The following DDX3X variants were observed in gnomAD, a reference collection of about 807,000 sequenced individuals.
DDX3X encodes the protein DEAD-box helicase 3 X-linked.
In DDX3X, 4 loss-of-function variants were observed where a neutral mutation model predicts 52.7. That is an observed-to-expected ratio of 0.08 (90% CI 0.04 to 0.17). The LOEUF is 0.17. DDX3X is among the 10% of genes least tolerant of loss of function. The probability of loss-of-function intolerance (pLI) is 1.00; values close to 1 mark genes in which losing one functional copy is unlikely to be tolerated. For synonymous variants in DDX3X, 192 were observed against 178.1 expected (o/e 1.08, Z -0.62); for missense variants, 222 against 548.6 (o/e 0.40, Z 5.95).
downstream of DDX3X, among the ~76,000 whole-genome samples, chrX:41,352,279 T>C (rs2063991958): frequency 8.9e-6 from 1 of 111,896 alleles, no homozygotes; most frequent in South Asian, 3.7e-4. Flanking sequence ...TTAGTCCTTA[T>C]TTTACTGTGT....
rs2063720768 is a variant in DDX3X, at chrX:41,334,239, G to A, written c.-14G>A. ...TAGCAGCGGAAGACTCCGAGTTCTCGGTACTCTTCAGGGATGAGTCATGTG... is the reference window on the plus strand; with the variant it reads ...TAGCAGCGGAAGACTCCGAGTTCTCAGTACTCTTCAGGGATGAGTCATGTG... On this transcript the variant is annotated 5_prime_UTR_variant, in exon 1 of 17. Transcript: ENST00000644876. The A allele has an allele frequency of 3.3e-6, 4 of 1,206,948 alleles. No homozygotes were observed. Among genetic ancestry groups the A allele is most frequent in the Non-Finnish European group, 4.5e-6 (4 of 891,767 alleles).
chrX:41,338,237 G>A (rs1250653683), intron 2 of DDX3X: 1 of 110,962 alleles, frequency 9.0e-6, no homozygotes, highest in Admixed American at 9.6e-5. Flanking sequence ...AAACAAAAGT[G>A]AGTATGGGCT....
rs767643733 is a variant in DDX3X at position 41,350,205 on chromosome X, C to T, written c.*2486C>T. ...TATTAAAATAAAAAGTTGAACTGCA[C>T]AGTCTCCTTTGTTGTTGTCAATTGT... On this transcript the variant is annotated 3_prime_UTR_variant, in exon 17 of 17. Coordinates refer to ENST00000644876, the MANE Select transcript of DDX3X (RefSeq NM_001356.5). 8.9e-6 allele frequency: 1 copy of T among 112,351 alleles called. No individual in the cohort carries two copies. The highest frequency in any genetic ancestry group is 9.5e-5 in the Admixed American group (1 of 10,502). 9.3% of individuals were successfully genotyped at this position (112,351 alleles called of 1,213,427 possible).
Position 41,343,001 on chromosome X carries a change from C to A in DDX3X, c.543+165C>A, listed in dbSNP as rs990704218. 12 of 570,706 alleles carry A rather than the reference C, an allele frequency of 2.1e-5. No homozygotes were observed. The Admixed American group carries it at 4.8e-4, about 23-fold the overall frequency. 47.0% of individuals were successfully genotyped at this position (570,706 alleles called of 1,213,427 possible). On this transcript the variant is annotated intron_variant, in intron 6 of 16. Transcript: ENST00000644876. ...GTCACCATTATGAATAATTTATTAC[C>A]TAAAATAGAAAATGGGTCAAACATA...
chrX:41,340,211 CATT>C (rs1276804568), intron 3 of DDX3X: 1 of 112,014 alleles, frequency 8.9e-6, no homozygotes, highest in Non-Finnish European at 1.9e-5. Context: ...GCCTGGCTGG[CATT>C]ATATTCTTTT....
downstream of DDX3X, among the ~76,000 whole-genome samples, chrX:41,352,501 C>T (rs1273606168): frequency 1.8e-5 from 2 of 111,451 alleles, no homozygotes; most frequent in African/African-American, 6.5e-5. Context: ...CTTCTCCAGA[C>T]CTCAATCACC....
In DDX3X at chrX:41,345,582, G is replaced by T. The variant is rs759972351; in HGVS notation, c.1315+34G>T. 12 of 1,136,353 alleles carry T rather than the reference G, an allele frequency of 1.1e-5. No individual in the cohort carries two copies. The African/African-American group carries it at 2.2e-4, about 21-fold the overall frequency. The allele number at this position is 1,136,353 out of a possible 1,213,427, so 93.6% of individuals were successfully genotyped here. On this transcript the variant is annotated intron_variant, in intron 12 of 16. Coordinates refer to ENST00000644876, the MANE Select transcript of DDX3X (RefSeq NM_001356.5). ...ATGAATTTTTTATTTTATTAGACAT[G>T]GGGGTTTCTCTTTGTTGCCCAGGCT...
intron 1 of DDX3X, 185 bp downstream of exon 1, chrX:41,334,482 C>A (rs2147333510): frequency 1.8e-6 from 2 of 1,096,112 alleles, no homozygotes; most frequent in Non-Finnish European, 1.2e-6. Flanking sequence ...CGCCCGGGCC[C>A]GGTCTCGGCC....
chrX:41,336,688 G>A lies in DDX3X; in HGVS notation c.46-720G>A, dbSNP rs1414647853. The A allele has an allele frequency of 2.5e-4, 28 of 111,475 alleles. No homozygotes were observed. The Admixed American group carries it at 2.7e-3, about 11-fold the overall frequency. The allele number at this position is 111,475 out of a possible 1,213,427, so 9.2% of individuals were successfully genotyped here. On this transcript the variant is annotated intron_variant, in intron 1 of 16. Coordinates refer to ENST00000644876, the MANE Select transcript of DDX3X (RefSeq NM_001356.5). Reference sequence around the variant, plus strand: ...GGGGAGGTGGAGGTTGCAGTGAGCCGAGATCACATGACTGAATTCCAGCCT... The same window carrying A: ...GGGGAGGTGGAGGTTGCAGTGAGCCAAGATCACATGACTGAATTCCAGCCT...
chrX:41,336,118 G>A (rs1432550335), intron 1 of DDX3X: 3 of 112,015 alleles, frequency 2.7e-5, no homozygotes, highest in Non-Finnish European at 3.8e-5. Flanking sequence ...ATGCGGTTTG[G>A]CCGTATCATA....
At chrX:41,336,443 CAA>C (rs1489747353) in intron 1 of DDX3X, 1 of 111,898 alleles carries the variant, frequency 8.9e-6, no homozygotes, top group African/African-American at 3.3e-5. Flanking sequence ...GCCATTTATT[CAA>C]AGTCATCTTT....
At position 41,348,951 on chromosome X, in the gene DDX3X, A is replaced by G. The variant is rs2063959041; in HGVS notation, c.*1232A>G. ...CTACAGTGCAGTTTTAGTCAGTTTT[A>G]GTTGCATAGGTTTCCATTGTATTTA... On this transcript the variant is annotated 3_prime_UTR_variant, in exon 17 of 17. Transcript: ENST00000644876. 8.9e-6 allele frequency: 1 copy of G among 112,297 alleles called. No homozygotes were observed. The highest frequency in any genetic ancestry group is 1.9e-5 in the Non-Finnish European group (1 of 53,247). The allele number at this position is 112,297 out of a possible 1,213,427, so 9.3% of individuals were successfully genotyped here. A position where few individuals can be genotyped will look rare whatever the true frequency, so the allele number is the denominator to read the frequency against.
chrX:41,337,638 T>C (rs1050477729), intron 2 of DDX3X, 173 bp downstream of exon 2: 11 of 345,001 alleles, frequency 3.2e-5, no homozygotes, highest in Non-Finnish European at 4.2e-5. Context: ...TAAAGCATCG[T>C]TGCCTTTTTT....
downstream of DDX3X, among the ~76,000 whole-genome samples, chrX:41,352,978 C>G (rs763536410): frequency 1.1e-4 from 12 of 111,776 alleles, no homozygotes; most frequent in African/African-American, 3.9e-4. Flanking sequence ...TAATGGCATT[C>G]TATTACGTGG....
chrX:41,347,656 T>G lies in DDX3X; in HGVS notation c.1926T>G (p.Phe642Leu). ...RGFGGGGYGG[F>L]YNSDGYGGNY... is the part of the protein sequence containing the mutation. ...TCTCATTAGGTGGCTATGGAGGCTTTTACAACAGTGATGGATATGGAGGAA... is the reference window on the plus strand; with the variant it reads ...TCTCATTAGGTGGCTATGGAGGCTTGTACAACAGTGATGGATATGGAGGAA... Residue 642 changes from phenylalanine (F) to leucine (L), a missense_variant, in exon 17 of 17, where the codon TTT becomes TTG. Coordinates refer to ENST00000644876, the MANE Select transcript of DDX3X (RefSeq NM_001356.5). 8.3e-7 allele frequency: 1 copy of G among 1,199,633 alleles called. No homozygotes were observed. The highest frequency in any genetic ancestry group is 1.1e-6 in the Non-Finnish European group (1 of 888,292).
chrX:41,341,005 A>T (rs1383565936), intron 3 of DDX3X: 2 of 241,634 alleles, frequency 8.3e-6, no homozygotes, highest in Non-Finnish European at 1.5e-5. Flanking sequence ...TTTTTGAGAC[A>T]AGGGTGTTTC....
intron 5 of DDX3X, among the ~76,000 whole-genome samples, chrX:41,355,826 T>C (rs1432982029): frequency 2.7e-5 from 3 of 109,919 alleles, no homozygotes; most frequent in African/African-American, 9.9e-5. Flanking sequence ...TGGTGTAAAG[T>C]AGTATCTTAT....
intron 3 of DDX3X, chrX:41,340,633 C>A (rs1475177009): frequency 7.3e-6 from 2 of 274,435 alleles, no homozygotes; most frequent in Admixed American, 1.3e-4. Flanking sequence ...TTCTTTTTCC[C>A]AGGTATTCCT....
At chrX:41,354,783 G>C (rs148301070), downstream of DDX3X, among the ~76,000 whole-genome samples, 1,042 of 109,074 alleles carry the variant, frequency 9.6e-3, 14 homozygotes, top group African/African-American at 0.034. Flanking sequence ...TTTTGACTCA[G>C]TATAATGTCT....
Sources: allele counts gnomAD v4.1 joint callset (sites outside exome capture counted in the v4.1 genomes callset), GRCh38; gene constraint gnomAD v4.1.1; transcripts MANE v1.5; gene names NCBI Gene and HGNC (gene_info 2026-07-23, HGNC 2026-07-21).